WWOX: variants seen among roughly 807,000 people sequenced by gnomAD.
The protein encoded by WWOX is WW domain containing oxidoreductase.
A neutral mutation model predicts 46.2 loss-of-function variants in WWOX; 69 were observed. That is an observed-to-expected ratio of 1.49 (90% CI 1.23 to 1.82). WWOX has a LOEUF of 1.82. Ranked by LOEUF, WWOX falls within the 40% of genes most tolerant of loss-of-function variation. WWOX has a pLI of 0.00. For missense variants in WWOX, 919 were observed against 542.6 expected (o/e 1.69, Z -6.89); for synonymous variants, 359 against 202.6 (o/e 1.77, Z -6.56).
At chr16:78,862,806 A>G (rs1426681162) in intron 8 of WWOX, among the ~76,000 whole-genome samples, 1 of 152,158 alleles carries the variant, frequency 6.6e-6, no homozygotes, top group Non-Finnish European at 1.5e-5. Context: ...TGGGAAGGGC[A>G]GTCTGCTTTA....
At chr16:78,759,710 T>G (rs2049743814) in intron 8 of WWOX, among the ~76,000 whole-genome samples, 1 of 152,198 alleles carries the variant, frequency 6.6e-6, no homozygotes, top group South Asian at 2.1e-4. Flanking sequence ...TGTTGTAGTT[T>G]CCTATGGCTG....
chr16:78,216,559 A>C (rs545919036), intron 5 of WWOX, among the ~76,000 whole-genome samples: 90 of 152,022 alleles, frequency 5.9e-4, no homozygotes, highest in Non-Finnish European at 1.1e-3. Flanking sequence ...AGAGGCTGAC[A>C]CATTCCTCTG....
At chr16:78,358,977 AAATT>A (rs1327297503) in intron 5 of WWOX, among the ~76,000 whole-genome samples, 13 of 150,738 alleles carry the variant, frequency 8.6e-5, no homozygotes, top group African/African-American at 1.5e-4. Flanking sequence ...ATAACTTAGT[AAATT>A]AATCCCTTAT....
intron 8 of WWOX, among the ~76,000 whole-genome samples, chr16:78,610,911 T>C (rs1017765340): frequency 1.3e-5 from 2 of 152,102 alleles, no homozygotes; most frequent in African/African-American, 4.8e-5. Flanking sequence ...CAATTTCTCA[T>C]TAAGCACAGG....
At chr16:78,825,435 C>T (rs1299783702) in intron 8 of WWOX, 2 of 350,826 alleles carry the variant, frequency 5.7e-6, no homozygotes, top group South Asian at 2.6e-5. Flanking sequence ...ATATCTTAGC[C>T]AACAGAACAA....
chr16:78,796,822 T>A (rs2050749358), intron 8 of WWOX, among the ~76,000 whole-genome samples: 1 of 132,816 alleles, frequency 7.5e-6, no homozygotes, highest in South Asian at 2.5e-4. Context: ...TTTCTTTATC[T>A]TCTTCTTTTT....
chr16:78,107,236 T>G (rs1748177838), intron 1 of WWOX, among the ~76,000 whole-genome samples: 1 of 152,202 alleles, frequency 6.6e-6, no homozygotes, highest in Non-Finnish European at 1.5e-5. Flanking sequence ...GCTGTTTCCC[T>G]TTTGAAATAA....
chr16:78,565,410 T>G (rs1029607406), intron 8 of WWOX, among the ~76,000 whole-genome samples: 9 of 152,212 alleles, frequency 5.9e-5, no homozygotes, highest in Admixed American at 5.9e-4. Flanking sequence ...CTGCATTCCT[T>G]GGCTCTTGGC....
Position 78,497,128 on chromosome 16 carries a change from TG to T in WWOX, c.1056+64377del, listed in dbSNP as rs199590277. The stretch of plus-strand genomic sequence containing the variant: ...TGGCATAAAACAACAGATGACCTTC[TG>T]TTAGGTGTATGTCTGCTCATGCTTG... On this transcript the variant is annotated intron_variant, in intron 8 of 8. Transcript: ENST00000566780. Among the ~76,000 whole-genome samples, 83 of 152,360 alleles carry T rather than the reference TG, an allele frequency of 5.4e-4. 1 individual carries two copies. In the East Asian group the frequency reaches 0.016, roughly 29 times the overall value.
intron 5 of WWOX, among the ~76,000 whole-genome samples, chr16:78,341,732 G>A (rs2081019302): frequency 8.3e-6 from 1 of 120,496 alleles, no homozygotes; most frequent in South Asian, 2.5e-4. Flanking sequence ...ATGGGTGGCA[G>A]GTCAGTGTTG....
Position 78,768,279 on chromosome 16 carries a change from T to TAAAAAAA in WWOX, c.1056+335542_1056+335548dup, listed in dbSNP as rs56280651. ...GCAAGCCAAAAAGTGATAGATGAGT[T>TAAAAAAA]AAAAAAAAAAAAAAAAAAAAAGTTG... On this transcript the variant is annotated intron_variant, in intron 8 of 8. Transcript: ENST00000566780. Among the ~76,000 whole-genome samples, 324 of 91,930 alleles carry TAAAAAAA rather than the reference T, an allele frequency of 3.5e-3. 15 individuals carry two copies. The highest frequency in any genetic ancestry group is 0.012 in the African/African-American group (290 of 24,960). The allele number at this position is 91,930 out of a possible 152,430, so 60.3% of individuals were successfully genotyped here.
chr16:78,611,057 A>C (rs1262459211), intron 8 of WWOX, among the ~76,000 whole-genome samples: 1 of 152,222 alleles, frequency 6.6e-6, no homozygotes, highest in Admixed American at 6.5e-5. Context: ...TATGTTGTTT[A>C]ATTGAGTTTA....
chr16:78,109,846 G>C lies in WWOX; in HGVS notation c.230+11G>C. On this transcript the variant is annotated intron_variant, in intron 3 of 8. Transcript: ENST00000566780. ...AGTGTTTTTTGTTGAGTAAGTGTCT[G>C]CAAAGAAACCACTCTCAGCTGTTTT... 6.2e-7 allele frequency: 1 copy of C among 1,614,100 alleles called. No homozygotes were observed. Among genetic ancestry groups the C allele is most frequent in the Non-Finnish European group, 8.5e-7 (1 of 1,180,008 alleles).
At chr16:78,497,220 C>T (rs2084938655) in intron 8 of WWOX, among the ~76,000 whole-genome samples, 1 of 92,780 alleles carries the variant, frequency 1.1e-5, no homozygotes, top group Non-Finnish European at 2.7e-5. Flanking sequence ...AATGATTCCA[C>T]AGCACATACT....
At chr16:78,558,859 C>G (rs148373203) in intron 8 of WWOX, among the ~76,000 whole-genome samples, 17 of 152,230 alleles carry the variant, frequency 1.1e-4, no homozygotes, top group African/African-American at 4.1e-4. Context: ...CCCCTTCTCT[C>G]TACAACCTTC....
At chr16:78,859,650 A>AT (rs1239289331) in intron 8 of WWOX, among the ~76,000 whole-genome samples, 1 of 152,154 alleles carries the variant, frequency 6.6e-6, no homozygotes, top group African/African-American at 2.4e-5. Flanking sequence ...ATCTTCTGTG[A>AT]TTCTCTTGGT....
intron 5 of WWOX, among the ~76,000 whole-genome samples, chr16:78,340,076 A>T (rs920619042): frequency 1.3e-5 from 1 of 76,608 alleles, no homozygotes; most frequent in African/African-American, 4.4e-5. Flanking sequence ...TTCTTGTTTC[A>T]TGGATGATGT....
chr16:79,068,441 C>G (rs1363880658), intron 8 of WWOX, among the ~76,000 whole-genome samples: 1 of 152,072 alleles, frequency 6.6e-6, no homozygotes, highest in Admixed American at 6.6e-5. Flanking sequence ...ACTCCTTCCT[C>G]CTGAATGCAC....
chr16:78,111,573 C>G (rs1016061096), intron 3 of WWOX, among the ~76,000 whole-genome samples: 1 of 152,108 alleles, frequency 6.6e-6, no homozygotes, highest in Non-Finnish European at 1.5e-5. Context: ...GAAAGGGAGT[C>G]TCCTTTCCTT....
Sources: gnomAD v4.1 joint callset for allele counts (sites outside exome capture counted in the v4.1 genomes callset) on GRCh38, gnomAD v4.1.1 for gene constraint, MANE v1.5 for transcripts, NCBI Gene and HGNC (gene_info 2026-07-23, HGNC 2026-07-21) for gene names.